Variants in CFDP1 observed in about 807,000 individuals in gnomAD.
The protein encoded by CFDP1 is chromatin remodeling protein CFDP1, also known as heterochromatin-stabilizing protein CFDP1.
CFDP1 carries 31 observed loss-of-function variants against 40.1 expected under a neutral mutation model. The ratio of observed to expected loss-of-function variants is 0.77; its 90% confidence interval spans 0.58 to 1.04. The LOEUF (loss-of-function observed/expected upper bound fraction) is 1.04. Ranked by LOEUF, CFDP1 falls within the 50% of genes least tolerant of loss-of-function variation. CFDP1 has a pLI of 0.00. For synonymous variants in CFDP1, 167 were observed against 120.0 expected, an observed-to-expected ratio of 1.39 and a Z score of -2.56; for missense variants, 423 against 343.4, an observed-to-expected ratio of 1.23 and a Z score of -1.83.
intron 5 of CFDP1, among the ~76,000 whole-genome samples, chr16:75,364,668 A>AT (rs1429301539): frequency 6.6e-6 from 1 of 152,188 alleles, no homozygotes; most frequent in Non-Finnish European, 1.5e-5. Flanking sequence ...TTCTCACAAC[A>AT]TTTTTTTGTA....
At chr16:75,433,168 G>T in intron 1 of CFDP1, 121 bp downstream of exon 1, 1 of 882,826 alleles carries the variant, frequency 1.1e-6, no homozygotes, top group Non-Finnish European at 1.7e-6. Context: ...GCGGACGCTC[G>T]AGAACAGGAG....
At chr16:75,408,105 A>G (rs940791590) in intron 4 of CFDP1, among the ~76,000 whole-genome samples, 1 of 151,940 alleles carries the variant, frequency 6.6e-6, no homozygotes, top group East Asian at 1.9e-4. Flanking sequence ...CTCTGTCTCA[A>G]AAAAGGAAGG....
chr16:75,432,320 G>A (rs1209925451), intron 1 of CFDP1, among the ~76,000 whole-genome samples: 5 of 141,796 alleles, frequency 3.5e-5, no homozygotes, highest in Admixed American at 1.5e-4. Flanking sequence ...AGGATCACTT[G>A]AGCCCACGAG....
rs537714042 is a variant in CFDP1 at position 75,421,154 on chromosome 16, C to T, written c.65-6459G>A. On this transcript the variant is annotated intron_variant, in intron 1 of 6. Coordinates refer to ENST00000283882, the MANE Select transcript of CFDP1 (RefSeq NM_006324.3). ...CTGCTGTTTGCAGCGGGGAGGAGCC[C>T]GGCCCCTCTTCTTCCTGTGTGCAAC... 8.5e-5 allele frequency among the ~76,000 whole-genome samples: 13 copies of T among 152,264 alleles called. 1 individual carries two copies. In the East Asian group the frequency reaches 1.7e-3, roughly 20 times the overall value.
intron 5 of CFDP1, among the ~76,000 whole-genome samples, chr16:75,375,750 C>T (rs2078788023): frequency 6.8e-6 from 1 of 147,942 alleles, no homozygotes; most frequent in South Asian, 2.1e-4. Flanking sequence ...GAGATCATGC[C>T]ACTGTGCTCC....
intron 5 of CFDP1, among the ~76,000 whole-genome samples, chr16:75,390,545 G>C (rs564076109): frequency 5.3e-5 from 8 of 152,200 alleles, no homozygotes; most frequent in Admixed American, 5.2e-4. Context: ...TGCTGTATTC[G>C]GAGTTGAGCA....
In CFDP1 at chr16:75,329,041, G is replaced by T. The variant is rs950588924; in HGVS notation, c.651-23859C>A. 4.6e-5 allele frequency among the ~76,000 whole-genome samples: 7 copies of T among 151,980 alleles called. No homozygotes were observed. The South Asian group carries it at 6.2e-4, about 14-fold the overall frequency. Reference sequence around the variant, plus strand: ...TTTTTGTATTTTTAGTAGAGACGGGGTTTCTCCATGTTGGTCAGGCTGGTC... The same window carrying T: ...TTTTTGTATTTTTAGTAGAGACGGGTTTTCTCCATGTTGGTCAGGCTGGTC... On this transcript the variant is annotated intron_variant, in intron 5 of 6. Transcript: ENST00000283882.
intron 4 of CFDP1, among the ~76,000 whole-genome samples, chr16:75,398,575 G>A (rs1316694902): frequency 6.6e-6 from 1 of 152,172 alleles, no homozygotes; most frequent in East Asian, 1.9e-4. Context: ...GTCTGTCCCT[G>A]TGTCTGTCTC....
chr16:75,320,454 GA>G (rs1047864783), intron 5 of CFDP1, among the ~76,000 whole-genome samples: 3 of 144,604 alleles, frequency 2.1e-5, no homozygotes, highest in African/African-American at 2.5e-5. Flanking sequence ...AAAAAAAAAA[GA>G]AAAAAATCAA....
At chr16:75,325,548 AATTT>A (rs1427601762) in intron 5 of CFDP1, among the ~76,000 whole-genome samples, 9 of 152,042 alleles carry the variant, frequency 5.9e-5, no homozygotes, top group African/African-American at 2.2e-4. Flanking sequence ...TGTATCCCAT[AATTT>A]ATTTGTTATG....
chr16:75,399,501 GAGA>G (rs2079029362), intron 4 of CFDP1, among the ~76,000 whole-genome samples: 3 of 152,254 alleles, frequency 2.0e-5, no homozygotes, highest in South Asian at 4.1e-4. Context: ...CAAGGATAAT[GAGA>G]AGAAGTATAA....
intron 6 of CFDP1, among the ~76,000 whole-genome samples, chr16:75,302,324 G>A (rs1216462898): frequency 6.6e-6 from 1 of 152,150 alleles, no homozygotes; most frequent in African/African-American, 2.4e-5. Context: ...GCACTGGTGC[G>A]ATCAGAGCTC....
At chr16:75,430,098 G>A (rs1035432555) in intron 1 of CFDP1, among the ~76,000 whole-genome samples, 45 of 152,196 alleles carry the variant, frequency 3.0e-4, no homozygotes, top group African/African-American at 8.7e-4. Flanking sequence ...GTTGGCAACA[G>A]GTTGAGTTTG....
intron 4 of CFDP1, among the ~76,000 whole-genome samples, chr16:75,396,203 T>C (rs1315427483): frequency 9.8e-6 from 1 of 102,418 alleles, no homozygotes; most frequent in Non-Finnish European, 2.3e-5. Context: ...AAATAATGCC[T>C]AGGTTGGCAC....
At position 75,317,087 on chromosome 16, in the gene CFDP1, T is replaced by G. The variant is rs564034807; in HGVS notation, c.651-11905A>C. 9.5e-4 allele frequency among the ~76,000 whole-genome samples: 145 copies of G among 152,350 alleles called. 1 individual carries two copies. The highest frequency in any genetic ancestry group is 3.4e-3 in the Middle Eastern group (1 of 294). On this transcript the variant is annotated intron_variant, in intron 5 of 6. Coordinates refer to ENST00000283882, the MANE Select transcript of CFDP1 (RefSeq NM_006324.3). ...ATGGGATCTTCAGCAAAGTCCTAGA[T>G]TGGACAGGCAAGTGGCGAGGGCAGA... is the stretch of plus-strand genomic sequence containing the variant.
rs111742103 is a variant in CFDP1, at chr16:75,370,384, C to T, written c.650+24706G>A. On this transcript the variant is annotated intron_variant, in intron 5 of 6. Coordinates refer to ENST00000283882, the MANE Select transcript of CFDP1 (RefSeq NM_006324.3). ...CTGGGATTACCAACGTGAGCCACCACGCTCGGCCAAATTTTTTCTATTTTA... is the reference window on the plus strand; with the variant it reads ...CTGGGATTACCAACGTGAGCCACCATGCTCGGCCAAATTTTTTCTATTTTA... 5.3e-5 allele frequency among the ~76,000 whole-genome samples: 8 copies of T among 152,126 alleles called. No homozygotes were observed. In the East Asian group the frequency reaches 9.7e-4, roughly 18 times the overall value.
intron 1 of CFDP1, among the ~76,000 whole-genome samples, chr16:75,425,891 C>A (rs1379542658): frequency 6.6e-6 from 1 of 150,780 alleles, no homozygotes; most frequent in East Asian, 1.9e-4. Flanking sequence ...CAAAAATTAG[C>A]CAGGCGTGGT....
chr16:75,315,531 G>A (rs958206578), intron 5 of CFDP1, among the ~76,000 whole-genome samples: 2 of 151,944 alleles, frequency 1.3e-5, no homozygotes, highest in African/African-American at 4.8e-5. Flanking sequence ...ATGGTCTGGT[G>A]AGGAATTCCA....
At chr16:75,414,052 C>T (rs566695357) in intron 2 of CFDP1, among the ~76,000 whole-genome samples, 9 of 152,264 alleles carry the variant, frequency 5.9e-5, no homozygotes, top group African/African-American at 2.2e-4. Flanking sequence ...ACAATCTAAA[C>T]ATCCCTCGAT....
Sources: allele counts gnomAD v4.1 joint callset (sites outside exome capture counted in the v4.1 genomes callset), GRCh38; gene constraint gnomAD v4.1.1; transcripts MANE v1.5; gene names NCBI Gene and HGNC (gene_info 2026-07-23, HGNC 2026-07-21).